ARHGAP32: variants seen among roughly 807,000 people sequenced by gnomAD.
ARHGAP32 encodes the protein rho GTPase-activating protein 32.
A neutral mutation model predicts 186.5 loss-of-function variants in ARHGAP32; 51 were observed. The ratio of observed to expected loss-of-function variants is 0.27; its 90% CI spans 0.22 to 0.35. The LOEUF (loss-of-function observed/expected upper bound fraction) is 0.35. Among genes scored for constraint, ARHGAP32 ranks in the 10% least tolerant of loss-of-function variants. ARHGAP32 has a pLI of 1.00. For synonymous variants in ARHGAP32, 950 were observed against 964.3 expected, an observed-to-expected ratio of 0.99 and a Z score of 0.27; for missense variants, 2,186 against 2,623.5, an observed-to-expected ratio of 0.83 and a Z score of 3.64.
chr11:128,994,786 T>G (rs1279899480), intron 12 of ARHGAP32, among the ~76,000 whole-genome samples: 2 of 152,224 alleles, frequency 1.3e-5, no homozygotes, highest in African/African-American at 4.8e-5. Flanking sequence ...TTCATTTGAA[T>G]GTTCAAATGA....
At chr11:129,047,479 G>A (rs1391250890) in intron 10 of ARHGAP32, among the ~76,000 whole-genome samples, 2 of 151,856 alleles carry the variant, frequency 1.3e-5, no homozygotes, top group South Asian at 2.1e-4. Context: ...TACCCAATAT[G>A]GACCCTGTGA....
intron 11 of ARHGAP32, among the ~76,000 whole-genome samples, chr11:129,017,402 G>C (rs1308482498): frequency 6.7e-6 from 1 of 148,652 alleles, no homozygotes; most frequent in African/African-American, 2.5e-5. Flanking sequence ...AGCTGAGATC[G>C]TGCCATTGCA....
intron 1 of ARHGAP32, among the ~76,000 whole-genome samples, chr11:129,189,459 C>A (rs1240319155): frequency 6.6e-6 from 1 of 152,140 alleles, no homozygotes; most frequent in South Asian, 2.1e-4. Context: ...TAAAGTTTTT[C>A]TTTCTTGATA....
chr11:128,970,310 T>G lies in ARHGAP32; in HGVS notation c.4903A>C (p.Lys1635Gln). 2 of 1,614,096 alleles carry G rather than the reference T, an allele frequency of 1.2e-6. No individual in the cohort carries two copies. Among genetic ancestry groups the G allele is most frequent in the South Asian group, 2.2e-5 (2 of 91,082 alleles). ...CGGGCCTGGGAGGACTGATATGGCT[T>G]ATATTGGTACAGAGGTCTTGGGCAG... ...AYCPRPLYQY[K>Q]PYQSSQARSD... The change falls in exon 23 of 23, where the codon AAG becomes CAG. Residue 1635 changes from lysine (K) to glutamine (Q), a missense_variant. Physicochemically the swap from Lys to Gln is moderately conservative, Grantham distance 53. Coordinates refer to ENST00000682385, the MANE Select transcript of ARHGAP32 (RefSeq NM_001378024.1). The surrounding 1 kb of genome is among the most constrained non-coding windows in gnomAD (Gnocchi z 5.8).
intron 19 of ARHGAP32, among the ~76,000 whole-genome samples, chr11:128,977,596 T>A (rs1192488235): frequency 6.6e-6 from 1 of 152,150 alleles, no homozygotes; most frequent in African/African-American, 2.4e-5. Context: ...TGAAAACCCA[T>A]ATCAAAGGTT....
chr11:129,261,333 A>G (rs994189565), intron 1 of ARHGAP32, among the ~76,000 whole-genome samples: 2 of 152,210 alleles, frequency 1.3e-5, no homozygotes, highest in Admixed American at 6.5e-5. Flanking sequence ...GCCATTATAG[A>G]TTCAGTTAAA....
intron 1 of ARHGAP32, among the ~76,000 whole-genome samples, chr11:129,199,848 C>T (rs1312474821): frequency 6.6e-6 from 1 of 152,198 alleles, no homozygotes; most frequent in East Asian, 1.9e-4. Context: ...TGCAGACACT[C>T]AATGCCAGCC....
chr11:129,064,760 C>T, intron 8 of ARHGAP32, 81 bp downstream of exon 8: 1 of 1,059,222 alleles, frequency 9.4e-7, no homozygotes, highest in South Asian at 1.4e-5. Flanking sequence ...GCTCAATAGA[C>T]ATCAAAATTA....
intron 1 of ARHGAP32, among the ~76,000 whole-genome samples, chr11:129,172,210 A>G (rs904676624): frequency 6.6e-6 from 1 of 152,124 alleles, no homozygotes; most frequent in East Asian, 1.9e-4. Context: ...ACTATGTTGA[A>G]TAGGAGTGGT....
intron 2 of ARHGAP32, among the ~76,000 whole-genome samples, chr11:129,156,065 A>G (rs1237564190): frequency 6.6e-6 from 1 of 152,184 alleles, no homozygotes; most frequent in East Asian, 1.9e-4. Context: ...TGATCCAAAT[A>G]CTACGCTTTT....
intron 1 of ARHGAP32, among the ~76,000 whole-genome samples, chr11:129,247,678 C>A (rs1374123223): frequency 6.6e-6 from 1 of 152,078 alleles, no homozygotes; most frequent in East Asian, 1.9e-4. Context: ...TAAAACACTG[C>A]AGAATTTATA....
At chr11:129,212,912 C>CAA (rs1258001232) in intron 1 of ARHGAP32, among the ~76,000 whole-genome samples, 3 of 125,406 alleles carry the variant, frequency 2.4e-5, no homozygotes, top group East Asian at 2.3e-4. Flanking sequence ...AATGTAGGTG[C>CAA]AAAAAAAAAA....
intron 19 of ARHGAP32, 140 bp from the exon 20 acceptor site, chr11:128,976,774 C>T (rs1411329532): frequency 7.3e-6 from 5 of 688,316 alleles, no homozygotes; most frequent in South Asian, 6.7e-5. Context: ...TACTCTATTA[C>T]ATAATGTGTT....
At chr11:129,071,763 C>T (rs1940876585) in intron 6 of ARHGAP32, among the ~76,000 whole-genome samples, 1 of 152,114 alleles carries the variant, frequency 6.6e-6, no homozygotes, top group South Asian at 2.1e-4. Flanking sequence ...ATCTGCTCTC[C>T]TTGGTTCACT....
intron 5 of ARHGAP32, among the ~76,000 whole-genome samples, chr11:129,095,118 C>CA (rs1277303240): frequency 1.3e-4 from 19 of 151,746 alleles, no homozygotes; most frequent in African/African-American, 4.6e-4. Flanking sequence ...CCCATTAGCC[C>CA]AAAAAAGCCA....
intron 1 of ARHGAP32, among the ~76,000 whole-genome samples, chr11:129,248,971 T>A (rs988448006): frequency 1.3e-5 from 2 of 152,200 alleles, no homozygotes; most frequent in Non-Finnish European, 1.5e-5. Flanking sequence ...CTAAACGTGG[T>A]CACTTAGCAA....
In ARHGAP32 at chr11:128,996,144, C is replaced by G. The variant is rs144499230; in HGVS notation, c.1195+2175G>C. ...ATAGCTTTGTTATTTTAATATTTAC[C>G]AAAGTAAAATGGTATTTCAAAATCG... On this transcript the variant is annotated intron_variant, in intron 12 of 22. Transcript: ENST00000682385. Among the ~76,000 whole-genome samples the G allele has an allele frequency of 3.9e-4, 60 of 152,116 alleles. No individual in the cohort carries two copies. The East Asian group carries it at 9.3e-3, about 24-fold the overall frequency.
chr11:129,202,018 T>TTA lies in ARHGAP32; in HGVS notation c.-4-37593_-4-37592dup, dbSNP rs554670629. 1.3e-4 allele frequency among the ~76,000 whole-genome samples: 20 copies of TTA among 151,818 alleles called. 1 individual carries two copies. Among genetic ancestry groups the TTA allele is most frequent in the Admixed American group, 7.2e-4 (11 of 15,226 alleles). On this transcript the variant is annotated intron_variant, in intron 1 of 6. Coordinates refer to the ARHGAP32 transcript ENST00000525234. Reference sequence around the variant, plus strand: ...TCTGTCTGTCTGTGTCTCTATTTATTTATATATATATGTGTGTGTATATAT... The same window carrying TTA: ...TCTGTCTGTCTGTGTCTCTATTTATTTATATATATATATGTGTGTGTATATAT...
At chr11:128,980,324 C>T (rs190410443) in intron 18 of ARHGAP32, among the ~76,000 whole-genome samples, 2 of 152,312 alleles carry the variant, frequency 1.3e-5, no homozygotes, top group East Asian at 3.9e-4. Context: ...CCCTATACCA[C>T]TGATGTTCTT....
Sources: gnomAD v4.1 joint callset for allele counts (sites outside exome capture counted in the v4.1 genomes callset) on GRCh38, gnomAD v4.1.1 for gene constraint, Gnocchi (gnomAD v3.1) non-coding constraint, MANE v1.5 for transcripts, NCBI Gene and HGNC (gene_info 2026-07-23, HGNC 2026-07-21) for gene names.